Variants in CCDC9B observed in about 807,000 individuals in gnomAD.
CCDC9B encodes the protein coiled-coil domain containing 9B.
CCDC9B carries 40 observed loss-of-function variants against 47.2 expected under a neutral mutation model. The observed-to-expected ratio is 0.85, with a 90% confidence interval of 0.66 to 1.10. The LOEUF (loss-of-function observed/expected upper bound fraction) is 1.10, where lower values mean the gene tolerates loss of function less well. Among genes scored for constraint, CCDC9B ranks in the 50% least tolerant of loss-of-function variants. CCDC9B has a pLI of 0.00. For synonymous variants in CCDC9B, 238 were observed against 250.7 expected (o/e 0.95, Z 0.48); for missense variants, 662 against 651.0 (o/e 1.02, Z -0.18).
At chr15:40,338,176 G>A in intron 5 of CCDC9B, 1 of 718,290 alleles carries the variant, frequency 1.4e-6, no homozygotes, top group East Asian at 2.7e-5. Context: ...GGGCCGGAGT[G>A]GGAGGGGCCC....
rs765357438 is a variant in CCDC9B, at chr15:40,335,643, C to T, written c.988G>A (p.Gly330Arg). 29 of 1,527,118 alleles carry T rather than the reference C, an allele frequency of 1.9e-5. No individual in the cohort carries two copies. The highest frequency in any genetic ancestry group is 1.7e-4 in the East Asian group (7 of 41,314). The allele number at this position is 1,527,118 out of a possible 1,614,324, so 94.6% of individuals were successfully genotyped here. A position where few individuals can be genotyped will look rare whatever the true frequency, so the allele number is the denominator to read the frequency against. The stretch of plus-strand genomic sequence containing the variant: ...CTCCCCAGTCGGCCCTGCTCCATCC[C>T]GCTCTGCTTCTGGGCTTGCTCCTCC... ...SEEEQAQKQS[G>R]MEQGRLGSAP... Residue 330 changes from glycine to arginine, a missense_variant, in exon 11 of 11, where the codon GGG becomes AGG. Transcript: ENST00000397536.
intron 8 of CCDC9B, 43 bp from the exon 9 acceptor site, chr15:40,336,707 G>A (rs757096139): frequency 1.2e-6 from 2 of 1,603,106 alleles, no homozygotes; most frequent in Non-Finnish European, 1.7e-6. Context: ...GCCCATAGCA[G>A]CCGGCTCCAT....
rs370857422 is a variant in CCDC9B at position 40,339,940 on chromosome 15, G to T, written c.88C>A (p.Arg30Ser). ...AELDRRIVAL[R>S]KKNQALLRRY... is the part of the protein sequence containing the mutation. ...CGGAGCAAGGCCTGGTTCTTCTTGC[G>T]CAGGGCAACTATCCTCCGATCCAGC... The change falls in exon 2 of 11, where the codon CGC (arginine) becomes AGC (serine). Residue 30 changes from arginine to serine, a missense_variant. By Grantham distance (110) the Arg-to-Ser change is moderately radical. Transcript: ENST00000397536. 1 of 1,613,746 alleles carries T rather than the reference G, an allele frequency of 6.2e-7. No individual in the cohort carries two copies. The highest frequency in any genetic ancestry group is 1.3e-5 in the African/African-American group (1 of 75,034).
chr15:40,337,501 A>ACACTGACACCC, intron 6 of CCDC9B, 55 bp from the exon 7 acceptor site: 1 of 1,435,866 alleles, frequency 7.0e-7, no homozygotes, highest in Middle Eastern at 2.6e-4. Context: ...CGCGGGCCCC[A>ACACTGACACCC]CCCTGACACC....
intron 1 of CCDC9B, chr15:40,340,442 GAGGCCCTGGCTCCGTCCTGGGCTCTC>G (rs895108327): frequency 1.2e-5 from 4 of 334,520 alleles, no homozygotes; most frequent in Non-Finnish European, 2.2e-5. Context: ...AGAAAAAGGA[GAGGCCCTGGCTCCGTCCTGGGCTCTC>G]AGGCCCTGGA....
At chr15:40,335,890 T>C (rs1595712387) in intron 9 of CCDC9B, 64 bp from the exon 10 acceptor site, 1 of 1,569,186 alleles carries the variant, frequency 6.4e-7, no homozygotes. Context: ...TCCCCCTGCC[T>C]GAATAGAGGG....
chr15:40,335,972 T>C (rs1888950953), intron 9 of CCDC9B, 146 bp from the exon 10 acceptor site: 1 of 1,495,128 alleles, frequency 6.7e-7, no homozygotes, highest in Non-Finnish European at 8.9e-7. Context: ...CACTGAGCAG[T>C]GGAGAAATCC....
Position 40,338,606 on chromosome 15 carries a change from C to T in CCDC9B, c.442G>A (p.Gly148Arg). ...PTRARNQGIE[G>R]SPGGRVTRSP... ...CGGGTCACACGCCCTCCAGGTGACCCCTCTATGCCTTGGTTCCTTGCTCTG... is the reference window on the plus strand; with the variant it reads ...CGGGTCACACGCCCTCCAGGTGACCTCTCTATGCCTTGGTTCCTTGCTCTG... The change falls in exon 5 of 11, where the codon GGG becomes AGG. Residue 148 changes from glycine to arginine, a missense_variant. Physicochemically the swap from Gly to Arg is moderately radical, Grantham distance 125. Transcript: ENST00000397536. 6.2e-7 allele frequency: 1 copy of T among 1,614,160 alleles called. No homozygotes were observed. The highest frequency in any genetic ancestry group is 8.5e-7 in the Non-Finnish European group (1 of 1,180,012).
intron 1 of CCDC9B, 126 bp downstream of exon 1, chr15:40,340,681 AC>A (rs1015847642): frequency 3.4e-5 from 28 of 828,058 alleles, no homozygotes; most frequent in Non-Finnish European, 5.2e-5. Flanking sequence ...CTCTGTTGTG[AC>A]CCTAGTCACA....
chr15:40,337,287 G>T, intron 7 of CCDC9B, 101 bp downstream of exon 7: 1 of 1,144,840 alleles, frequency 8.7e-7, no homozygotes, highest in Non-Finnish European at 1.3e-6. Context: ...CTTCCTTTCA[G>T]CTCTGAAAAT....
Position 40,335,510 on chromosome 15 carries a change from G to A in CCDC9B, c.1121C>T (p.Ala374Val), listed in dbSNP as rs755906630. 1 of 1,560,382 alleles carries A rather than the reference G, an allele frequency of 6.4e-7. No individual in the cohort carries two copies. The highest frequency in any genetic ancestry group is 8.7e-7 in the Non-Finnish European group (1 of 1,150,642). Residue 374 changes from alanine to valine, a missense_variant, in exon 11 of 11, where the codon GCT (alanine) becomes GTT (valine). Coordinates refer to ENST00000397536, the MANE Select transcript of CCDC9B (RefSeq NM_207380.3). ...CCCTCCTAGGGAGAGGTCAAGAGGA[G>A]CCAAGTCAGGCTCCTGTGGAGAGCA... is the stretch of plus-strand genomic sequence containing the variant. Reference protein sequence around the residue: ...VPCSPQEPDLAPLDLSLGGAG... With the variant: ...VPCSPQEPDLVPLDLSLGGAG...
Position 40,338,854 on chromosome 15 carries a change from C to G in CCDC9B, c.281G>C (p.Arg94Thr). Residue 94 changes from arginine (R) to threonine (T), a missense_variant, in exon 4 of 11, where the codon AGA becomes ACA. By Grantham distance (71) the Arg-to-Thr change is moderately conservative (BLOSUM62 -1). Transcript: ENST00000397536. ...RNWARGTCGP[R>T]VTNEMLEDED... Reference sequence around the variant, plus strand: ...ATCCTCAAGCATCTCGTTGGTCACTCTGGGTCCACAGGTACCCCTTGCCCA... The same window carrying G: ...ATCCTCAAGCATCTCGTTGGTCACTGTGGGTCCACAGGTACCCCTTGCCCA... 6.2e-7 allele frequency: 1 copy of G among 1,614,220 alleles called. No homozygotes were observed. The highest frequency in any genetic ancestry group is 8.5e-7 in the Non-Finnish European group (1 of 1,180,024).
chr15:40,336,960 G>A lies in CCDC9B; in HGVS notation c.743-147C>T, dbSNP rs1888975355. The A allele has an allele frequency of 1.7e-5, 12 of 700,758 alleles. No homozygotes were observed. The East Asian group carries it at 3.2e-4, about 19-fold the overall frequency. 43.4% of individuals were successfully genotyped at this position (700,758 alleles called of 1,614,324 possible). On this transcript the variant is annotated intron_variant, in intron 7 of 10. Transcript: ENST00000397536. The stretch of plus-strand genomic sequence containing the variant: ...AAAAGCGCCCTCGCCTGGGGGTCAG[G>A]AGAATAGGGTCCTGTGCTAGCTTTG...
chr15:40,339,432 C>A, intron 3 of CCDC9B, 80 bp downstream of exon 3: 1 of 1,459,084 alleles, frequency 6.9e-7, no homozygotes, highest in Non-Finnish European at 9.5e-7. Context: ...GAGAGGGGAA[C>A]AGAGGCAGCT....
In CCDC9B at chr15:40,331,629, AG is replaced by A. The variant is rs2141243688; in HGVS notation, c.*3528del. ...TTAGCTTACGAGATTAGGCACGTTC[AG>A]GGTGGTATGGCCGTAGACTATTTTG... is the stretch of plus-strand genomic sequence containing the variant. On this transcript the variant is annotated 3_prime_UTR_variant, in exon 11 of 11. Coordinates refer to ENST00000397536, the MANE Select transcript of CCDC9B (RefSeq NM_207380.3). 6.6e-6 allele frequency: 1 copy of A among 152,606 alleles called. No individual in the cohort carries two copies. The highest frequency in any genetic ancestry group is 1.5e-5 in the Non-Finnish European group (1 of 67,996). 9.5% of individuals were successfully genotyped at this position (152,606 alleles called of 1,614,324 possible).
chr15:40,337,685 T>G, intron 6 of CCDC9B, 39 bp downstream of exon 6: 1 of 1,559,116 alleles, frequency 6.4e-7, no homozygotes, highest in Non-Finnish European at 8.6e-7. Context: ...GCCAGCTCCA[T>G]CCCGCACCAC....
chr15:40,336,755 C>T lies in CCDC9B; in HGVS notation c.796+5G>A. 4 of 1,600,328 alleles carry T rather than the reference C, an allele frequency of 2.5e-6. No individual in the cohort carries two copies. Among genetic ancestry groups the T allele is most frequent in the South Asian group, 2.2e-5 (2 of 90,030 alleles). On this transcript the variant is annotated splice_donor_5th_base_variant and intron_variant, in intron 8 of 10. Transcript: ENST00000397536. ...AGACCTGGCCCCTCCTCCTCCCCAACTCACCTTTTCCATCAGGGAGCAATG... is the reference window on the plus strand; with the variant it reads ...AGACCTGGCCCCTCCTCCTCCCCAATTCACCTTTTCCATCAGGGAGCAATG...
rs200782061 is a variant in CCDC9B, at chr15:40,336,679, C to T, written c.797-15G>A. The T allele has an allele frequency of 2.0e-5, 32 of 1,610,650 alleles. No homozygotes were observed. Among genetic ancestry groups the T allele is most frequent in the Middle Eastern group, 1.7e-4 (1 of 6,040 alleles). On this transcript the variant is annotated splice_polypyrimidine_tract_variant and intron_variant, in intron 8 of 10. Transcript: ENST00000397536. ...CCCGCCCCGACCTGCAAGAGATGGT[C>T]GGCCAAGGAGAGAAGAGGCCCATAG...
intron 7 of CCDC9B, 66 bp from the exon 8 acceptor site, chr15:40,336,879 C>A (rs1888972283): frequency 2.7e-6 from 4 of 1,486,298 alleles, no homozygotes. Context: ...AACACCAGTT[C>A]TTCCAGCCTC....
Sources: allele counts gnomAD v4.1 joint callset, GRCh38; gene constraint gnomAD v4.1.1; transcripts MANE v1.5; gene names NCBI Gene and HGNC (gene_info 2026-07-23, HGNC 2026-07-21).